PARP15: variants seen among roughly 807,000 people sequenced by gnomAD.
PARP15 encodes the protein poly(ADP-ribose) polymerase family member 15.
PARP15 carries 50 observed loss-of-function variants against 62.1 expected under a neutral mutation model. The observed-to-expected ratio is 0.81, with a 90% CI of 0.64 to 1.02. The LOEUF (loss-of-function observed/expected upper bound fraction) is 1.02. Ranked by LOEUF, PARP15 falls within the 50% of genes least tolerant of loss-of-function variation. The pLI, the probability that PARP15 is intolerant of heterozygous loss-of-function variation, is 0.00. For missense variants in PARP15, 820 were observed against 826.5 expected (o/e 0.99, Z 0.10); for synonymous variants, 309 against 293.1 (o/e 1.05, Z -0.55).
At chr3:122,578,167 T>C (rs984141961) in intron 1 of PARP15, among the ~76,000 whole-genome samples, 1 of 152,074 alleles carries the variant, frequency 6.6e-6, no homozygotes. Flanking sequence ...TTTTGTTTTT[T>C]GAGTTTGCTT....
At chr3:122,619,734 T>C (rs1936216973) in intron 6 of PARP15, 47 bp from the exon 7 acceptor site, 1 of 1,459,816 alleles carries the variant, frequency 6.9e-7, no homozygotes, top group Non-Finnish European at 9.6e-7. Flanking sequence ...TATAACCACT[T>C]ATTGAATTCT....
chr3:122,581,605 T>C (rs7612244), intron 1 of PARP15, among the ~76,000 whole-genome samples: 66,946 of 152,132 alleles, frequency 0.44, 15,419 homozygotes, highest in Non-Finnish European at 0.52. Context: ...TTTGTTGAAG[T>C]TGAGTTGTAG....
chr3:122,625,228 G>A (rs532126729), intron 8 of PARP15, among the ~76,000 whole-genome samples: 1 of 144,602 alleles, frequency 6.9e-6, no homozygotes, highest in Non-Finnish European at 1.5e-5. Flanking sequence ...GGTTTTGTTT[G>A]TTGTTGTTGT....
At chr3:122,634,914 C>A in intron 10 of PARP15, 106 bp from the exon 11 acceptor site, 2 of 1,163,146 alleles carry the variant, frequency 1.7e-6, no homozygotes, top group Non-Finnish European at 2.5e-6. Context: ...ACCAAATTCT[C>A]TTCCTCTTCC....
chr3:122,608,033 G>C (rs1317031192), intron 2 of PARP15, among the ~76,000 whole-genome samples: 1 of 151,712 alleles, frequency 6.6e-6, no homozygotes, highest in Non-Finnish European at 1.5e-5. Flanking sequence ...ACACATCTTC[G>C]GTGTCTTCCT....
chr3:122,628,754 C>T (rs1432927105), intron 9 of PARP15, among the ~76,000 whole-genome samples: 1 of 152,010 alleles, frequency 6.6e-6, no homozygotes, highest in Admixed American at 6.6e-5. Context: ...TTCTGGCACC[C>T]GAGGCAAAAA....
chr3:122,605,870 C>A (rs911523121), intron 1 of PARP15, 66 bp from the exon 2 acceptor site: 5 of 1,507,252 alleles, frequency 3.3e-6, no homozygotes, highest in Middle Eastern at 1.7e-4. Context: ...CCTGAGCCAC[C>A]GCACCTGGCC....
At chr3:122,615,289 G>A (rs1289189951) in intron 4 of PARP15, 2 of 1,289,242 alleles carry the variant, frequency 1.6e-6, no homozygotes, top group African/African-American at 1.5e-5. Flanking sequence ...CATTCAGGAG[G>A]CTTTGGCTGG....
chr3:122,607,077 T>A (rs1023536304), intron 2 of PARP15, among the ~76,000 whole-genome samples: 2 of 152,198 alleles, frequency 1.3e-5, no homozygotes, highest in Non-Finnish European at 2.9e-5. Flanking sequence ...AGAAGTTGCA[T>A]CTTGTCATTT....
At chr3:122,615,042 A>G (rs578193379) in intron 4 of PARP15, 169 of 968,418 alleles carry the variant, frequency 1.7e-4, no homozygotes, top group East Asian at 4.6e-4. Flanking sequence ...AAAAAAAAAA[A>G]AAAAGAAAAG....
Position 122,610,626 on chromosome 3 carries a change from A to G in PARP15, c.439A>G (p.Lys147Glu). 6.4e-7 allele frequency: 1 copy of G among 1,551,784 alleles called. No homozygotes were observed. The highest frequency in any genetic ancestry group is 1.2e-5 in the South Asian group (1 of 84,066). ...TGACAGAAGGCGGGAAACAGAGGAA[A>G]AAGTAGGTAACATATTCATGACAAG... ...LDDRRRETEE[K>E]VGNIFMTSGC... The change falls in exon 3 of 12, where the codon AAA becomes GAA. Residue 147 changes from lysine to glutamate, a missense_variant. By Grantham distance (56) the Lys-to-Glu change is moderately conservative. This residue lies in a region of PARP15 where 731 missense variants were observed against 727.7 expected (regional missense o/e 1.00). Coordinates refer to ENST00000464300, the MANE Select transcript of PARP15 (RefSeq NM_001113523.3).
intron 11 of PARP15, 37 bp downstream of exon 11, chr3:122,635,231 C>A: frequency 6.3e-7 from 1 of 1,591,556 alleles, no homozygotes; most frequent in Non-Finnish European, 8.6e-7. Flanking sequence ...CAGAATAAGG[C>A]AAACAATAGT....
intron 6 of PARP15, among the ~76,000 whole-genome samples, chr3:122,618,719 G>C (rs1029217291): frequency 6.6e-6 from 1 of 152,188 alleles, no homozygotes. Flanking sequence ...AGGCATAGGT[G>C]AGATGAGGAG....
intron 6 of PARP15, among the ~76,000 whole-genome samples, chr3:122,618,413 G>A (rs1936127006): frequency 1.3e-5 from 2 of 152,284 alleles, no homozygotes; most frequent in African/African-American, 4.8e-5. Flanking sequence ...TTAGACGATG[G>A]GGAGCTGCTA....
At chr3:122,612,537 C>T (rs139105349) in intron 3 of PARP15, among the ~76,000 whole-genome samples, 1,821 of 151,618 alleles carry the variant, frequency 0.012, 28 homozygotes, top group African/African-American at 0.041. Context: ...GCCAGGTTCA[C>T]GCCATTCTCC....
intron 2 of PARP15, 87 bp downstream of exon 2, chr3:122,606,142 C>G (rs1346460891): frequency 9.3e-6 from 13 of 1,395,950 alleles, no homozygotes; most frequent in African/African-American, 1.5e-5. Context: ...TTAATTTGTT[C>G]TTTATCTTAA....
intron 1 of PARP15, among the ~76,000 whole-genome samples, chr3:122,580,447 C>G (rs1257681306): frequency 1.3e-5 from 2 of 152,052 alleles, no homozygotes; most frequent in Non-Finnish European, 2.9e-5. Flanking sequence ...TACCAAGTTT[C>G]TTTTTCTTTT....
At chr3:122,579,290 G>A (rs567064630) in intron 1 of PARP15, among the ~76,000 whole-genome samples, 1 of 151,924 alleles carries the variant, frequency 6.6e-6, no homozygotes, top group South Asian at 2.1e-4. Flanking sequence ...TTACTCATTC[G>A]CTATGTTGTC....
At chr3:122,593,120 C>CTATCTATCTATCTATG (rs373898846) in intron 1 of PARP15, among the ~76,000 whole-genome samples, 2,130 of 30,584 alleles carry the variant, frequency 0.07, 58 homozygotes, top group Middle Eastern at 0.11. Flanking sequence ...ATCTATCTAT[C>CTATCTATCTATCTATG]TATGTATCTA....
Sources: gnomAD v4.1 joint callset for allele counts (sites outside exome capture counted in the v4.1 genomes callset) on GRCh38, gnomAD v4.1.1 for gene constraint, gnomAD v4.1.1 regional missense constraint, MANE v1.5 for transcripts, NCBI Gene and HGNC (gene_info 2026-07-23, HGNC 2026-07-21) for gene names.